Variants in TNFAIP8 observed in about 807,000 individuals in gnomAD.
The protein encoded by TNFAIP8 is TNF alpha induced protein 8, also known as tumor necrosis factor alpha-induced protein 8.
In TNFAIP8, 7 loss-of-function variants were observed where a neutral mutation model predicts 13.3. The ratio of observed to expected loss-of-function variants is 0.52; its 90% CI spans 0.30 to 0.99. The LOEUF is 0.99. TNFAIP8 is among the 50% of genes least tolerant of loss of function. The pLI, the probability that TNFAIP8 is intolerant of heterozygous loss-of-function variation, is 0.07. For synonymous variants in TNFAIP8, 94 were observed against 87.6 expected, an observed-to-expected ratio of 1.07 and a Z score of -0.41; for missense variants, 258 against 236.9, an observed-to-expected ratio of 1.09 and a Z score of -0.58.
chr5:119,386,350 A>G (rs1332403463), intron 1 of TNFAIP8, among the ~76,000 whole-genome samples: 2 of 152,198 alleles, frequency 1.3e-5, no homozygotes, highest in African/African-American at 4.8e-5. Flanking sequence ...AATTGCATGC[A>G]GCTCCACTGA....
chr5:119,361,778 G>C (rs1206142125), intron 1 of TNFAIP8, among the ~76,000 whole-genome samples: 1 of 152,150 alleles, frequency 6.6e-6, no homozygotes, highest in Non-Finnish European at 1.5e-5. Context: ...ACGCAGCCAG[G>C]CTGAGAAGCT....
intron 1 of TNFAIP8, among the ~76,000 whole-genome samples, chr5:119,345,377 G>A (rs1349951071): frequency 2.0e-5 from 3 of 152,040 alleles, no homozygotes; most frequent in Non-Finnish European, 4.4e-5. Context: ...TTACTTCTGG[G>A]TATATACTCA....
upstream of TNFAIP8, among the ~76,000 whole-genome samples, chr5:119,351,401 C>G (rs937519122): frequency 4.8e-5 from 6 of 124,976 alleles, no homozygotes; most frequent in Non-Finnish European, 9.6e-5. Context: ...TACAACCATT[C>G]TGCTTTTTTT....
At chr5:119,302,523 C>A (rs1749427636) in intron 1 of TNFAIP8, among the ~76,000 whole-genome samples, 1 of 152,140 alleles carries the variant, frequency 6.6e-6, no homozygotes, top group African/African-American at 2.4e-5. Context: ...TTATTTTTCT[C>A]TTGAGAATTG....
At chr5:119,297,564 G>GA (rs1156573536) in intron 1 of TNFAIP8, among the ~76,000 whole-genome samples, 3 of 152,258 alleles carry the variant, frequency 2.0e-5, no homozygotes, top group African/African-American at 4.8e-5. Flanking sequence ...GTGTGGTGCT[G>GA]AAAAAAATGT....
chr5:119,341,744 TA>T (rs1750744073), intron 1 of TNFAIP8, among the ~76,000 whole-genome samples: 1 of 152,178 alleles, frequency 6.6e-6, no homozygotes, highest in African/African-American at 2.4e-5. Context: ...TGAATCTGTT[TA>T]GAGAAGTAGA....
rs1751911914 is a variant in TNFAIP8, at chr5:119,367,699, A to G, written c.31+11578A>G. Among the ~76,000 whole-genome samples, 3 of 152,194 alleles carry G rather than the reference A, an allele frequency of 2.0e-5. 1 individual carries two copies. The South Asian group carries it at 6.2e-4, about 31-fold the overall frequency. Reference sequence around the variant, plus strand: ...TGCCATTAGCATGCCCTTGGACAGGAAGTATTCAGTATAGATATGACAAAC... The same window carrying G: ...TGCCATTAGCATGCCCTTGGACAGGGAGTATTCAGTATAGATATGACAAAC... On this transcript the variant is annotated intron_variant, in intron 1 of 1. Transcript: ENST00000504771.
chr5:119,315,667 T>G (rs1180284071), intron 1 of TNFAIP8, among the ~76,000 whole-genome samples: 1 of 152,032 alleles, frequency 6.6e-6, no homozygotes, highest in East Asian at 1.9e-4. Context: ...GACCCCGAGG[T>G]GTAATGGACA....
intron 1 of TNFAIP8, among the ~76,000 whole-genome samples, chr5:119,294,812 T>C (rs1368250672): frequency 6.6e-6 from 1 of 152,146 alleles, no homozygotes; most frequent in Non-Finnish European, 1.5e-5. Flanking sequence ...CATTTTTTCA[T>C]GTGTCTTTTG....
At chr5:119,378,187 A>G (rs78058026) in intron 1 of TNFAIP8, among the ~76,000 whole-genome samples, 2,053 of 152,342 alleles carry the variant, frequency 0.013, 50 homozygotes, top group African/African-American at 0.046. Context: ...TCTGCAAGGC[A>G]TCCTGATCTA....
intron 1 of TNFAIP8, among the ~76,000 whole-genome samples, chr5:119,363,985 T>A (rs764348904): frequency 1.3e-5 from 2 of 152,196 alleles, no homozygotes; most frequent in Non-Finnish European, 2.9e-5. Flanking sequence ...AAGTGCCAAC[T>A]GGAAGAGATG....
rs1444323993 is a variant in TNFAIP8, at chr5:119,380,096, T to C, written c.32-12720T>C. On this transcript the variant is annotated intron_variant, in intron 1 of 1. Coordinates refer to ENST00000504771, the MANE Select transcript of TNFAIP8 (RefSeq NM_014350.4). ...AATGGGCCTCAGCTCTGCCACTGTTTATGCACCCTTAGATAAGTCACTTGA... is the reference window on the plus strand; with the variant it reads ...AATGGGCCTCAGCTCTGCCACTGTTCATGCACCCTTAGATAAGTCACTTGA... Among the ~76,000 whole-genome samples the C allele has an allele frequency of 2.0e-5, 3 of 152,402 alleles. No individual in the cohort carries two copies. In the East Asian group the frequency reaches 5.8e-4, roughly 29 times the overall value.
chr5:119,381,544 A>C (rs1470902660), intron 1 of TNFAIP8, among the ~76,000 whole-genome samples: 1 of 152,108 alleles, frequency 6.6e-6, no homozygotes, highest in African/African-American at 2.4e-5. Flanking sequence ...GTCTCAAAAA[A>C]TAAAAAATAA....
chr5:119,317,636 T>G lies in TNFAIP8; in HGVS notation c.1+48729T>G, dbSNP rs1749938289. Among the ~76,000 whole-genome samples, 2 of 151,260 alleles carry G rather than the reference T, an allele frequency of 1.3e-5. 1 individual carries two copies. Among genetic ancestry groups the G allele is most frequent in the Admixed American group, 1.3e-4 (2 of 15,182 alleles). On this transcript the variant is annotated intron_variant, in intron 1 of 1. Coordinates refer to the TNFAIP8 transcript ENST00000274456. Reference sequence around the variant, plus strand: ...TTATTTGAGATGGAGTCTCACTCTCTTGCCCAGGCTGGAGTGCAGTGGCGC... The same window carrying G: ...TTATTTGAGATGGAGTCTCACTCTCGTGCCCAGGCTGGAGTGCAGTGGCGC...
At chr5:119,336,887 T>C (rs889372836) in intron 1 of TNFAIP8, among the ~76,000 whole-genome samples, 3 of 152,202 alleles carry the variant, frequency 2.0e-5, no homozygotes, top group Non-Finnish European at 4.4e-5. Flanking sequence ...ACATGGACCA[T>C]TTTGGCCCAA....
intron 1 of TNFAIP8, among the ~76,000 whole-genome samples, chr5:119,311,089 T>A (rs890517895): frequency 7.9e-5 from 12 of 152,136 alleles, no homozygotes; most frequent in African/African-American, 2.9e-4. Flanking sequence ...ATGGCATGAT[T>A]ATACCTCACT....
chr5:119,355,792 C>A, upstream of TNFAIP8: 1 of 494,132 alleles, frequency 2.0e-6, no homozygotes, highest in Non-Finnish European at 2.7e-6. Context: ...GCCCCACCTG[C>A]GTGCGCCCGG....
rs550152864 is a variant in TNFAIP8 at position 119,375,581 on chromosome 5, G to C, written c.32-17235G>C. Among the ~76,000 whole-genome samples the C allele has an allele frequency of 4.6e-5, 7 of 152,262 alleles. No individual in the cohort carries two copies. The South Asian group carries it at 1.5e-3, about 32-fold the overall frequency. ...GGAAAACGTTTTTCAGTTCTTACCA[G>C]GGAACGACTATAATGATCTTTTTAG... On this transcript the variant is annotated intron_variant, in intron 1 of 1. Coordinates refer to ENST00000504771, the MANE Select transcript of TNFAIP8 (RefSeq NM_014350.4).
intron 1 of TNFAIP8, among the ~76,000 whole-genome samples, chr5:119,324,167 C>G (rs558478071): frequency 1.3e-5 from 2 of 151,036 alleles, no homozygotes; most frequent in Non-Finnish European, 1.5e-5. Context: ...CCCAGCTACT[C>G]GAGAGGCTGA....
Sources: gnomAD v4.1 joint callset for allele counts (sites outside exome capture counted in the v4.1 genomes callset) on GRCh38, gnomAD v4.1.1 for gene constraint, MANE v1.5 for transcripts, NCBI Gene and HGNC (gene_info 2026-07-23, HGNC 2026-07-21) for gene names.